The following SPRR2G variants were observed in gnomAD, a reference collection of about 807,000 sequenced individuals.
SPRR2G encodes the protein small proline-rich protein 2G.
Under a neutral mutation model 0.7 loss-of-function variants are expected in SPRR2G, and 1 was observed. The observed-to-expected ratio is 1.49, with a 90% CI of 0.53 to 7.06. The LOEUF is 7.06. Ranked by LOEUF, SPRR2G falls within the 30% of genes most tolerant of loss-of-function variation. The pLI, the probability that SPRR2G is intolerant of heterozygous loss-of-function variation, is 0.14. For missense variants in SPRR2G, 96 were observed against 88.5 expected (o/e 1.09, Z -0.34); for synonymous variants, 38 against 33.9 (o/e 1.12, Z -0.42).
chr1:153,167,451 C>T, the SPRR2G span, among the ~76,000 whole-genome samples: 1 of 151,056 alleles, frequency 6.6e-6, no homozygotes, highest in East Asian at 2.0e-4. Context: ...CCAGTCTGGG[C>T]AACAAGATTG....
At chr1:153,182,689 G>A in the SPRR2G span, among the ~76,000 whole-genome samples, 1 of 152,188 alleles carries the variant, frequency 6.6e-6, no homozygotes, top group Admixed American at 6.5e-5. Flanking sequence ...ATGATTTCCA[G>A]CTTCATCCAT....
At chr1:153,202,838 C>T in the SPRR2G span, among the ~76,000 whole-genome samples, 1 of 152,150 alleles carries the variant, frequency 6.6e-6, no homozygotes, top group Non-Finnish European at 1.5e-5. Flanking sequence ...GCCTACCCAC[C>T]TTTCGCACTC....
the SPRR2G span, chr1:153,176,409 T>G: frequency 6.6e-6 from 1 of 152,174 alleles, no homozygotes; most frequent in Non-Finnish European, 1.5e-5. Context: ...GGTGCTCTTG[T>G]CCTCAGAAGA....
At chr1:153,153,890 C>G (rs1195696777), upstream of SPRR2G, among the ~76,000 whole-genome samples, 3 of 152,034 alleles carry the variant, frequency 2.0e-5, no homozygotes, top group Non-Finnish European at 2.9e-5. Flanking sequence ...AGTGTCCTTG[C>G]TTTGCTCCTG....
At chr1:153,167,326 T>C in the SPRR2G span, among the ~76,000 whole-genome samples, 1 of 151,940 alleles carries the variant, frequency 6.6e-6, no homozygotes, top group Non-Finnish European at 1.5e-5. Context: ...AATACAAAAT[T>C]AGCCAGGCGT....
chr1:153,176,964 A>G, the SPRR2G span, among the ~76,000 whole-genome samples: 81 of 152,260 alleles, frequency 5.3e-4, 1 homozygote, highest in African/African-American at 1.8e-3. Context: ...AATATTTCCA[A>G]TGCCCCCTTG....
At chr1:153,152,842 A>G (rs1412027430), upstream of SPRR2G, among the ~76,000 whole-genome samples, 1 of 152,208 alleles carries the variant, frequency 6.6e-6, no homozygotes, top group African/African-American at 2.4e-5. Context: ...ATGAATTACT[A>G]ATAGATTCCA....
chr1:153,173,287 T>C, the SPRR2G span, among the ~76,000 whole-genome samples: 21 of 152,202 alleles, frequency 1.4e-4, no homozygotes, highest in Non-Finnish European at 7.3e-5. Flanking sequence ...AGGCTTGTGA[T>C]ATTCGATTAC....
chr1:153,178,105 T>C, the SPRR2G span, among the ~76,000 whole-genome samples: 3 of 152,174 alleles, frequency 2.0e-5, no homozygotes, highest in Non-Finnish European at 2.9e-5. Flanking sequence ...CATAAAGTTA[T>C]TTCTAAATTT....
the SPRR2G span, among the ~76,000 whole-genome samples, chr1:153,170,810 C>T: frequency 3.3e-5 from 5 of 152,220 alleles, no homozygotes; most frequent in African/African-American, 9.6e-5. Flanking sequence ...TGCCCACCAC[C>T]CTCTGAGAGC....
the SPRR2G span, among the ~76,000 whole-genome samples, chr1:153,175,288 G>C: frequency 6.6e-6 from 1 of 152,212 alleles, no homozygotes; most frequent in African/African-American, 2.4e-5. Flanking sequence ...AGGCAGTTGT[G>C]TTATCCTGCC....
chr1:153,159,908 T>C, the SPRR2G span, among the ~76,000 whole-genome samples: 2 of 152,208 alleles, frequency 1.3e-5, no homozygotes, highest in Non-Finnish European at 2.9e-5. Context: ...CCTTGAAATG[T>C]GGCAATTACA....
the SPRR2G span, among the ~76,000 whole-genome samples, chr1:153,167,919 T>G: frequency 6.6e-6 from 1 of 152,214 alleles, no homozygotes; most frequent in Non-Finnish European, 1.5e-5. Flanking sequence ...GGCAATTATC[T>G]TAATACATTA....
chr1:153,160,647 T>C, the SPRR2G span, among the ~76,000 whole-genome samples: 75,993 of 151,548 alleles, frequency 0.5, 19,483 homozygotes, highest in Non-Finnish European at 0.57. Context: ...TTGGTGGGAC[T>C]GTAAACTAGT....
chr1:153,170,929 G>C, the SPRR2G span, among the ~76,000 whole-genome samples: 1 of 152,080 alleles, frequency 6.6e-6, no homozygotes, highest in Non-Finnish European at 1.5e-5. Context: ...GGAAGAACAG[G>C]GTATCATGGG....
At chr1:153,183,239 C>A in the SPRR2G span, among the ~76,000 whole-genome samples, 1 of 146,936 alleles carries the variant, frequency 6.8e-6, no homozygotes, top group African/African-American at 2.5e-5. Context: ...AGGCATGCGC[C>A]ACCACACCCA....
chr1:153,176,926 G>A, the SPRR2G span, among the ~76,000 whole-genome samples: 1 of 152,162 alleles, frequency 6.6e-6, no homozygotes, highest in Non-Finnish European at 1.5e-5. Flanking sequence ...AACAGCCCCT[G>A]AAACCTGTGA....
At chr1:153,158,895 G>A in the SPRR2G span, among the ~76,000 whole-genome samples, 1 of 152,174 alleles carries the variant, frequency 6.6e-6, no homozygotes, top group Non-Finnish European at 1.5e-5. Flanking sequence ...CATGGCCAGG[G>A]CTGTACTTTG....
upstream of SPRR2G, among the ~76,000 whole-genome samples, chr1:153,151,492 ATC>A (rs1431826118): frequency 1.3e-5 from 2 of 152,106 alleles, no homozygotes; most frequent in African/African-American, 4.8e-5. Context: ...AGGCAACATC[ATC>A]TCTCAGTTTT....
Sources: allele counts gnomAD v4.1 joint callset (sites outside exome capture counted in the v4.1 genomes callset), GRCh38; gene constraint gnomAD v4.1.1; transcripts MANE v1.5; gene names NCBI Gene and HGNC (gene_info 2026-07-23, HGNC 2026-07-21).